Variants in ZNF439 observed in about 807,000 individuals in gnomAD.
ZNF439 encodes the protein zinc finger protein 439.
Under a neutral mutation model 47.3 loss-of-function variants are expected in ZNF439, and 40 were observed. The ratio of observed to expected loss-of-function variants is 0.85; its 90% CI spans 0.66 to 1.10. The LOEUF is 1.10. ZNF439 is among the 50% of genes least tolerant of loss of function. The pLI, the probability that ZNF439 is intolerant of heterozygous loss-of-function variation, is 0.00. For missense variants in ZNF439, 556 were observed against 601.1 expected, an observed-to-expected ratio of 0.93 and a Z score of 0.78; for synonymous variants, 171 against 198.8, an observed-to-expected ratio of 0.86 and a Z score of 1.18.
rs755053093 is a variant in ZNF439 at position 11,867,336 on chromosome 19, TAAAGA to T, written c.284_288del (p.Lys95ArgfsTer14). ...TCACAGAAGAGAAAGTCAATGAAATTAAAGAAGACAGTCATTGTGGAGAAACTTTT... is the reference window on the plus strand; with the variant it reads ...TCACAGAAGAGAAAGTCAATGAAATTAGACAGTCATTGTGGAGAAACTTTT... On this transcript the variant is annotated frameshift_variant, in exon 4 of 4. Transcript: ENST00000682736. LOFTEE classifies it high-confidence loss of function. The T allele has an allele frequency of 1.2e-5, 19 of 1,612,482 alleles. No homozygotes were observed. The African/African-American group carries it at 2.4e-4, about 20-fold the overall frequency.
At chr19:11,858,453 G>A (rs543964648) in intron 1 of ZNF439, among the ~76,000 whole-genome samples, 3 of 144,744 alleles carry the variant, frequency 2.1e-5, no homozygotes, top group Admixed American at 7.0e-5. Context: ...GCGACAGAGC[G>A]AGACTCCATC....
intron 1 of ZNF439, among the ~76,000 whole-genome samples, chr19:11,859,207 G>T (rs144620360): frequency 2.8e-4 from 42 of 152,320 alleles, no homozygotes; most frequent in African/African-American, 9.6e-4. Context: ...TGTGCACAGG[G>T]CTCCTGCAAC....
chr19:11,850,593 C>G (rs1013889169), intron 1 of ZNF439: 3 of 152,050 alleles, frequency 2.0e-5, no homozygotes, highest in Non-Finnish European at 2.9e-5. Context: ...GAAAAATGGA[C>G]TCAGTACTCC....
Position 11,868,711 on chromosome 19 carries a change from C to T in ZNF439, c.*142C>T, listed in dbSNP as rs530509784. 9.5e-5 allele frequency: 88 copies of T among 927,640 alleles called. 1 individual carries two copies. Among genetic ancestry groups the T allele is most frequent in the Non-Finnish European group, 3.9e-5 (23 of 594,738 alleles). 57.5% of individuals were successfully genotyped at this position (927,640 alleles called of 1,614,324 possible). ...CAGTTCCTTTCGATATCTAAAAGGA[C>T]TCACAGTGGAGAAAAACTCTATGAG... On this transcript the variant is annotated 3_prime_UTR_variant, in exon 4 of 4. Transcript: ENST00000682736.
intron 1 of ZNF439, among the ~76,000 whole-genome samples, chr19:11,863,611 CCAAA>C (rs1411077375): frequency 2.0e-4 from 30 of 152,208 alleles, no homozygotes; most frequent in East Asian, 7.7e-4. Flanking sequence ...GACTCTTTTC[CCAAA>C]CAGAGTTTTA....
In ZNF439 at chr19:11,868,892, G is replaced by A; in HGVS notation, c.*323G>A. The A allele has an allele frequency of 2.8e-6, 1 of 362,558 alleles. No homozygotes were observed. Among genetic ancestry groups the A allele is most frequent in the Non-Finnish European group, 5.4e-6 (1 of 185,236 alleles). The allele number at this position is 362,558 out of a possible 1,614,324, so 22.5% of individuals were successfully genotyped here. A position where few individuals can be genotyped will look rare whatever the true frequency, so the allele number is the denominator to read the frequency against. ...TACATGAAAGTTGCACAGAGGAGAG[G>A]CGCCCTAAGAATGTAAGCATTGTGG... is the stretch of plus-strand genomic sequence containing the variant. On this transcript the variant is annotated 3_prime_UTR_variant, in exon 4 of 4. Coordinates refer to ENST00000682736, the MANE Select transcript of ZNF439 (RefSeq NM_001348719.2).
At chr19:11,866,037 G>C in intron 1 of ZNF439, 168 bp from the exon 2 acceptor site, 1 of 1,464,892 alleles carries the variant, frequency 6.8e-7, no homozygotes, top group South Asian at 1.6e-5. Context: ...AAAAAAAATT[G>C]CTTTATGGAA....
chr19:11,854,605 A>G (rs1976335301), intron 1 of ZNF439, among the ~76,000 whole-genome samples: 1 of 152,156 alleles, frequency 6.6e-6, no homozygotes, highest in African/African-American at 2.4e-5. Flanking sequence ...TAAAAATACA[A>G]AAATTAGCCA....
intron 1 of ZNF439, among the ~76,000 whole-genome samples, chr19:11,859,577 A>G (rs918692689): frequency 6.6e-6 from 1 of 152,224 alleles, no homozygotes; most frequent in African/African-American, 2.4e-5. Flanking sequence ...GTACTCCATT[A>G]TTAACTACAC....
At position 11,866,606 on chromosome 19, in the gene ZNF439, C is replaced by T. The variant is rs770006389; in HGVS notation, c.251+9C>T. On this transcript the variant is annotated intron_variant, in intron 3 of 3. Transcript: ENST00000682736. The stretch of plus-strand genomic sequence containing the variant: ...CCCAGGAGAAACTTCAGGTAATTTG[C>T]ACTTATAAGAGAAAGCAGTGTCTCT... 3 of 1,611,876 alleles carry T rather than the reference C, an allele frequency of 1.9e-6. No individual in the cohort carries two copies. The highest frequency in any genetic ancestry group is 2.5e-6 in the Non-Finnish European group (3 of 1,178,256).
chr19:11,863,370 AG>A (rs1976591260), intron 1 of ZNF439, among the ~76,000 whole-genome samples: 1 of 151,976 alleles, frequency 6.6e-6, no homozygotes, highest in Non-Finnish European at 1.5e-5. Flanking sequence ...CATGTTAGCC[AG>A]GTTGGTCTCA....
chr19:11,860,054 C>T (rs909859182), intron 1 of ZNF439, among the ~76,000 whole-genome samples: 16 of 152,244 alleles, frequency 1.1e-4, no homozygotes, highest in African/African-American at 3.1e-4. Context: ...TTTTCCACAT[C>T]GAAAGTGCCT....
chr19:11,861,904 C>T (rs1976551066), intron 1 of ZNF439, among the ~76,000 whole-genome samples: 1 of 152,094 alleles, frequency 6.6e-6, no homozygotes, highest in Non-Finnish European at 1.5e-5. Context: ...ATCAGATTGT[C>T]TTTTGGTTGA....
chr19:11,869,130 C>A lies in ZNF439; in HGVS notation c.*561C>A. ...TTGCTTTCATAGACATGTAAAGACACACCAGAAGGAAACCCTATGAATGTA... is the reference window on the plus strand; with the variant it reads ...TTGCTTTCATAGACATGTAAAGACAAACCAGAAGGAAACCCTATGAATGTA... On this transcript the variant is annotated 3_prime_UTR_variant, in exon 4 of 4. Transcript: ENST00000682736. 4.7e-6 allele frequency: 1 copy of A among 212,714 alleles called. No homozygotes were observed. The highest frequency in any genetic ancestry group is 1.0e-5 in the Non-Finnish European group (1 of 98,338). The allele number at this position is 212,714 out of a possible 1,614,324, so 13.2% of individuals were successfully genotyped here.
At chr19:11,860,652 G>A (rs1471021052) in intron 1 of ZNF439, among the ~76,000 whole-genome samples, 1 of 152,170 alleles carries the variant, frequency 6.6e-6, no homozygotes, top group Non-Finnish European at 1.5e-5. Flanking sequence ...GGGGTCGGGG[G>A]CACCTTGCTT....
At chr19:11,867,235 A>G in intron 3 of ZNF439, 71 bp from the exon 4 acceptor site, 5 of 1,533,140 alleles carry the variant, frequency 3.3e-6, no homozygotes, top group Non-Finnish European at 4.4e-6. Context: ...AAATGCAAGT[A>G]CAATACTTGC....
intron 1 of ZNF439, among the ~76,000 whole-genome samples, chr19:11,855,379 T>C (rs1976357944): frequency 6.6e-6 from 1 of 152,032 alleles, no homozygotes; most frequent in South Asian, 2.1e-4. Flanking sequence ...GGGCCGGGAA[T>C]GGTTGGTTAG....
At chr19:11,856,295 C>A (rs1240111801) in intron 1 of ZNF439, 1 of 152,154 alleles carries the variant, frequency 6.6e-6, no homozygotes, top group Non-Finnish European at 1.5e-5. Context: ...GTTTGATGTG[C>A]CCACTCTATA....
rs1976740907 is a variant in ZNF439 at position 11,867,873 on chromosome 19, G to A, written c.819G>A (p.Lys273=). The change falls in exon 4 of 4, where the codon AAG becomes AAA. Residue 273 remains lysine (K), a synonymous_variant. Transcript: ENST00000682736. ...RIHERTHIGE[K]PYECQECGKA... ...ATGAAAGAACTCACATTGGAGAAAAGCCTTATGAATGTCAGGAATGTGGGA... is the reference window on the plus strand; with the variant it reads ...ATGAAAGAACTCACATTGGAGAAAAACCTTATGAATGTCAGGAATGTGGGA... 6.2e-7 allele frequency: 1 copy of A among 1,613,822 alleles called. No homozygotes were observed. Among genetic ancestry groups the A allele is most frequent in the South Asian group, 1.1e-5 (1 of 91,066 alleles).
Sources: allele counts gnomAD v4.1 joint callset (sites outside exome capture counted in the v4.1 genomes callset), GRCh38; gene constraint gnomAD v4.1.1; transcripts MANE v1.5; gene names NCBI Gene and HGNC (gene_info 2026-07-23, HGNC 2026-07-21).